Variants in NRDE2 observed in about 807,000 individuals in gnomAD.
The protein encoded by NRDE2 is NRDE-2, necessary for RNA interference, domain containing.
Under a neutral mutation model 124.2 loss-of-function variants are expected in NRDE2, and 76 were observed. That is an observed-to-expected ratio of 0.61 (90% CI 0.51 to 0.74). The LOEUF is 0.74. NRDE2 is among the 30% of genes least tolerant of loss of function. The pLI, the probability that NRDE2 is intolerant of heterozygous loss-of-function variation, is 0.00. For missense variants in NRDE2, 1,314 were observed against 1,417.3 expected (o/e 0.93, Z 1.17); for synonymous variants, 489 against 528.1 (o/e 0.93, Z 1.01).
intron 8 of NRDE2, among the ~76,000 whole-genome samples, chr14:90,293,321 G>A (rs1365355067): frequency 6.6e-6 from 1 of 151,814 alleles, no homozygotes; most frequent in Non-Finnish European, 1.5e-5. Flanking sequence ...CACAATCTCT[G>A]CACACTGCAA....
chr14:90,331,837 T>C lies in NRDE2; in HGVS notation c.64+4A>G, dbSNP rs1373378378. The C allele has an allele frequency of 7.4e-6, 12 of 1,614,106 alleles. No homozygotes were observed. The highest frequency in any genetic ancestry group is 1.0e-5 in the Non-Finnish European group (12 of 1,180,030). On this transcript the variant is annotated splice_donor_region_variant and intron_variant, in intron 1 of 13. Transcript: ENST00000354366. ...TGCCTTCTTCGGCTCGTTTGTGTGC[T>C]TACCTTTCCTGGAGCTCCCGCCATC...
chr14:90,290,494 A>C lies in NRDE2; in HGVS notation c.1956T>G (p.Pro652=), dbSNP rs538861370. ...TGGCCAGATAAAGACAGGAGGCTGG[A>C]GGAGTAAAGCCAGAAGGCACACCCA... is the stretch of plus-strand genomic sequence containing the variant. ...QFLGVPSGFT[P]PASCLYLAMD... is the part of the protein sequence containing the mutation. The change falls in exon 10 of 14, where the codon CCT becomes CCG. Residue 652 remains proline, a synonymous_variant. Transcript: ENST00000354366. The C allele has an allele frequency of 5.0e-5, 81 of 1,614,102 alleles. No homozygotes were observed. In the South Asian group the frequency reaches 6.7e-4, roughly 13 times the overall value.
At chr14:90,317,482 A>G (rs1885089280) in intron 2 of NRDE2, among the ~76,000 whole-genome samples, 1 of 152,194 alleles carries the variant, frequency 6.6e-6, no homozygotes, top group Non-Finnish European at 1.5e-5. Context: ...TTACACATTT[A>G]GAGTACCGGG....
In NRDE2 at chr14:90,304,373, C is replaced by T. The variant is rs569569736; in HGVS notation, c.567G>A (p.Arg189=). 75 of 1,596,124 alleles carry T rather than the reference C, an allele frequency of 4.7e-5. No homozygotes were observed. In the African/African-American group the frequency reaches 8.7e-4, roughly 18 times the overall value. The change falls in exon 5 of 14, where the codon AGG becomes AGA. Residue 189 remains arginine, a synonymous_variant. Coordinates refer to ENST00000354366, the MANE Select transcript of NRDE2 (RefSeq NM_017970.4). Reference sequence around the variant, plus strand: ...TAATGCCAAGGCAGGAGTCTCCTTTCCTCTTGTATCTGATATTAGAAAAAG... The same window carrying T: ...TAATGCCAAGGCAGGAGTCTCCTTTTCTCTTGTATCTGATATTAGAAAAAG... The part of the protein sequence containing the change: ...LYRGDIARYK[R]KGDSCLGINP...
At chr14:90,307,932 G>C (rs953223953) in intron 4 of NRDE2, among the ~76,000 whole-genome samples, 1 of 152,160 alleles carries the variant, frequency 6.6e-6, no homozygotes, top group Non-Finnish European at 1.5e-5. Flanking sequence ...ATTTTTTGTA[G>C]AGATGCAGCC....
intron 12 of NRDE2, among the ~76,000 whole-genome samples, chr14:90,282,673 C>CT (rs879900722): frequency 0.02 from 2,887 of 147,996 alleles, 84 homozygotes; most frequent in African/African-American, 0.064. Context: ...TTCCTTCAAA[C>CT]TTTTTTTTTT....
chr14:90,317,113 G>A (rs1486758547), intron 2 of NRDE2, among the ~76,000 whole-genome samples: 1 of 152,032 alleles, frequency 6.6e-6, no homozygotes, highest in African/African-American at 2.4e-5. Flanking sequence ...GTATTTTTAA[G>A]ACATTATTAA....
At chr14:90,315,036 G>A (rs1371038877) in intron 3 of NRDE2, among the ~76,000 whole-genome samples, 2 of 151,892 alleles carry the variant, frequency 1.3e-5, no homozygotes, top group Non-Finnish European at 2.9e-5. Context: ...AATTAGCCGG[G>A]CGTGGTGGCA....
chr14:90,318,383 C>T (rs567855277), intron 1 of NRDE2, among the ~76,000 whole-genome samples: 1 of 152,326 alleles, frequency 6.6e-6, no homozygotes, highest in Admixed American at 6.5e-5. Context: ...GTAACAAGTA[C>T]GGGCTAAAAG....
intron 1 of NRDE2, among the ~76,000 whole-genome samples, chr14:90,323,273 C>G (rs1885306052): frequency 6.6e-6 from 1 of 152,134 alleles, no homozygotes; most frequent in Non-Finnish European, 1.5e-5. Context: ...TTATGTAACC[C>G]TATTTCTCTA....
intron 1 of NRDE2, among the ~76,000 whole-genome samples, chr14:90,321,663 G>A (rs1334939472): frequency 1.3e-5 from 2 of 152,000 alleles, no homozygotes; most frequent in Non-Finnish European, 2.9e-5. Flanking sequence ...CTCCTGTGGA[G>A]CAAAAGGTAT....
In NRDE2 at chr14:90,270,581, C is replaced by A; in HGVS notation, c.*7755G>T. ...CGCTAAATCACCTGGAGCCACAAGGCTGAGTCGCTGGTACTAAGCCTTAGG... is the reference window on the plus strand; with the variant it reads ...CGCTAAATCACCTGGAGCCACAAGGATGAGTCGCTGGTACTAAGCCTTAGG... On this transcript the variant is annotated 3_prime_UTR_variant, in exon 14 of 14. Transcript: ENST00000354366. 2.2e-6 allele frequency: 1 copy of A among 454,866 alleles called. No homozygotes were observed. Among genetic ancestry groups the A allele is most frequent in the Non-Finnish European group, 3.8e-6 (1 of 265,828 alleles). 28.2% of individuals were successfully genotyped at this position (454,866 alleles called of 1,614,324 possible).
intron 4 of NRDE2, among the ~76,000 whole-genome samples, chr14:90,306,588 A>C (rs1298372096): frequency 1.3e-5 from 2 of 152,156 alleles, no homozygotes; most frequent in African/African-American, 4.8e-5. Flanking sequence ...AGGCGGGTGG[A>C]TCACCAGAGG....
At chr14:90,294,504 G>C (rs969861590) in intron 8 of NRDE2, among the ~76,000 whole-genome samples, 14 of 152,124 alleles carry the variant, frequency 9.2e-5, no homozygotes, top group Non-Finnish European at 1.6e-4. Context: ...AGAAGTGTTC[G>C]GCTTTAAAAA....
chr14:90,302,810 A>G lies in NRDE2; in HGVS notation c.1321T>C (p.Tyr441His). The change falls in exon 6 of 14, where the codon TAT becomes CAT. Residue 441 changes from tyrosine to histidine, a missense_variant. Tyr to His is a moderately conservative substitution (Grantham distance 83). Coordinates refer to ENST00000354366, the MANE Select transcript of NRDE2 (RefSeq NM_017970.4). ...TFSISKIHSL[Y>H]GKCLSTLSAV... The stretch of plus-strand genomic sequence containing the variant: ...GACAAAGTGCTCAAGCATTTTCCAT[A>G]AAGACTGTGAATTTTTGATATCGAA... 1 of 1,614,166 alleles carries G rather than the reference A, an allele frequency of 6.2e-7. No individual in the cohort carries two copies. The highest frequency in any genetic ancestry group is 1.1e-5 in the South Asian group (1 of 91,084).
chr14:90,272,436 T>C lies in NRDE2; in HGVS notation c.*5900A>G, dbSNP rs573546028. ...ACCATGGCTGTCATCAGGAAAATGGTTGGGAGATTTCTCAATCCCTGAAAG... is the reference window on the plus strand; with the variant it reads ...ACCATGGCTGTCATCAGGAAAATGGCTGGGAGATTTCTCAATCCCTGAAAG... On this transcript the variant is annotated 3_prime_UTR_variant, in exon 14 of 14. Coordinates refer to ENST00000354366, the MANE Select transcript of NRDE2 (RefSeq NM_017970.4). This position sits in a 1 kb window ranked among gnomAD's most constrained non-coding sequence, Gnocchi z 4.5. 45 of 1,517,986 alleles carry C rather than the reference T, an allele frequency of 3.0e-5. No homozygotes were observed. Among genetic ancestry groups the C allele is most frequent in the Admixed American group, 1.1e-4 (5 of 45,446 alleles). The allele number at this position is 1,517,986 out of a possible 1,614,324, so 94.0% of individuals were successfully genotyped here. A position where few individuals can be genotyped will look rare whatever the true frequency, so the allele number is the denominator to read the frequency against.
intron 1 of NRDE2, among the ~76,000 whole-genome samples, chr14:90,319,024 T>A (rs1885150122): frequency 6.6e-6 from 1 of 152,228 alleles, no homozygotes; most frequent in Non-Finnish European, 1.5e-5. Context: ...GTGATGATTA[T>A]CTCTAGGTGA....
intron 5 of NRDE2, among the ~76,000 whole-genome samples, chr14:90,303,570 G>A (rs1250245335): frequency 6.6e-6 from 1 of 152,136 alleles, no homozygotes; most frequent in Non-Finnish European, 1.5e-5. Context: ...CGTGAGCTCT[G>A]CCTGTTCTGT....
chr14:90,288,888 C>T lies in NRDE2; in HGVS notation c.2487G>A (p.Glu829=), dbSNP rs761565580. The T allele has an allele frequency of 1.2e-6, 2 of 1,614,196 alleles. No homozygotes were observed. The highest frequency in any genetic ancestry group is 1.1e-5 in the South Asian group (1 of 91,086). Residue 829 remains glutamate, a synonymous_variant, in exon 11 of 14, where the codon GAG becomes GAA. Transcript: ENST00000354366. ...CTTCTGGCGACAGCTCCACCTCCAGCTCAGCATAGAGCAGACTGAGCTCAC... is the reference window on the plus strand; with the variant it reads ...CTTCTGGCGACAGCTCCACCTCCAGTTCAGCATAGAGCAGACTGAGCTCAC... ...DLCELSLLYA[E]LEVELSPEVR... is the part of the protein sequence containing the mutation.
Sources: gnomAD v4.1 joint callset for allele counts (sites outside exome capture counted in the v4.1 genomes callset) on GRCh38, gnomAD v4.1.1 for gene constraint, Gnocchi (gnomAD v3.1) non-coding constraint, MANE v1.5 for transcripts, NCBI Gene and HGNC (gene_info 2026-07-23, HGNC 2026-07-21) for gene names.